The following CYP19A1 variants were observed in gnomAD, a reference collection of about 807,000 sequenced individuals.
CYP19A1 encodes aromatase.
A neutral mutation model predicts 44.4 loss-of-function variants in CYP19A1; 32 were observed. The ratio of observed to expected loss-of-function variants is 0.72; its 90% confidence interval spans 0.54 to 0.97. The LOEUF (loss-of-function observed/expected upper bound fraction) is 0.97. CYP19A1 is among the 50% of genes least tolerant of loss of function. The pLI is 0.00. For missense variants in CYP19A1, 598 were observed against 637.8 expected (o/e 0.94, Z 0.67); for synonymous variants, 212 against 215.6 (o/e 0.98, Z 0.14).
At chr15:51,333,084 T>C (rs567875144) in intron 1 of CYP19A1, among the ~76,000 whole-genome samples, 61 of 152,324 alleles carry the variant, frequency 4.0e-4, no homozygotes, top group African/African-American at 1.5e-3. Flanking sequence ...TTCCAGAAAG[T>C]CTTTTTGTGC....
At chr15:51,309,395 A>T (rs2141010583) in intron 1 of CYP19A1, among the ~76,000 whole-genome samples, 1 of 152,364 alleles carries the variant, frequency 6.6e-6, no homozygotes, top group Middle Eastern at 3.4e-3. Flanking sequence ...AGACAAAGAT[A>T]TGGTTAATCT....
At chr15:51,297,816 T>TCA (rs1566917194) in intron 1 of CYP19A1, among the ~76,000 whole-genome samples, 38 of 51,608 alleles carry the variant, frequency 7.4e-4, no homozygotes, top group African/African-American at 4.1e-3. Context: ...ACTGTAGGCA[T>TCA]GACACACACA....
At chr15:51,309,979 C>A (rs2036282771) in intron 1 of CYP19A1, among the ~76,000 whole-genome samples, 1 of 152,136 alleles carries the variant, frequency 6.6e-6, no homozygotes, top group Non-Finnish European at 1.5e-5. Flanking sequence ...AAGTGTCTAC[C>A]CAAATAAGGT....
At chr15:51,313,490 G>A (rs2036357314) in intron 1 of CYP19A1, among the ~76,000 whole-genome samples, 1 of 152,120 alleles carries the variant, frequency 6.6e-6, no homozygotes, top group Non-Finnish European at 1.5e-5. Flanking sequence ...TTGGACCTCG[G>A]TTTTCCCATC....
At chr15:51,301,201 A>G (rs550182978) in intron 1 of CYP19A1, among the ~76,000 whole-genome samples, 14 of 152,362 alleles carry the variant, frequency 9.2e-5, no homozygotes, top group Non-Finnish European at 2.1e-4. Context: ...AGCTATATGA[A>G]GAAATCCCCA....
At chr15:51,253,924 G>A (rs1331775737) in intron 1 of CYP19A1, among the ~76,000 whole-genome samples, 1 of 152,184 alleles carries the variant, frequency 6.6e-6, no homozygotes, top group Non-Finnish European at 1.5e-5. Flanking sequence ...TTGATGGCAA[G>A]TAGAGGAGAG....
intron 1 of CYP19A1, among the ~76,000 whole-genome samples, chr15:51,266,743 G>T (rs533555204): frequency 6.6e-6 from 1 of 152,170 alleles, no homozygotes; most frequent in Non-Finnish European, 1.5e-5. Context: ...GACAAATCAC[G>T]GAGGTCCCCT....
At position 51,227,672 on chromosome 15, in the gene CYP19A1, C is replaced by CAATAAATAAATAAATAAATA. The variant is rs57921193; in HGVS notation, c.451+87_451+106dup. The CAATAAATAAATAAATAAATA allele has an allele frequency of 0.023, 5,788 of 256,194 alleles. 118 individuals are homozygous for CAATAAATAAATAAATAAATA. The highest frequency in any genetic ancestry group is 0.045 in the East Asian group (494 of 10,860). The allele number at this position is 256,194 out of a possible 1,614,324, so 15.9% of individuals were successfully genotyped here. ...TGGGTGATAGAGTCAGAGCCTGTCT[C>CAATAAATAAATAAATAAATA]AATAAATAAATAAATAAATAAATAA... On this transcript the variant is annotated intron_variant, in intron 4 of 9. Coordinates refer to ENST00000396402, the MANE Select transcript of CYP19A1 (RefSeq NM_000103.4).
At chr15:51,295,136 G>GT (rs71426072) in intron 1 of CYP19A1, among the ~76,000 whole-genome samples, 5,324 of 131,340 alleles carry the variant, frequency 0.041, 116 homozygotes, top group Middle Eastern at 0.06. Context: ...TTAACAACGT[G>GT]TTTTTTTTTT....
intron 5 of CYP19A1, among the ~76,000 whole-genome samples, chr15:51,219,070 C>T (rs1375439128): frequency 6.6e-6 from 1 of 152,190 alleles, no homozygotes; most frequent in Non-Finnish European, 1.5e-5. Flanking sequence ...TGGCTAACAA[C>T]CACATTTTAA....
chr15:51,308,278 C>G (rs924891239), intron 1 of CYP19A1, among the ~76,000 whole-genome samples: 2 of 152,172 alleles, frequency 1.3e-5, no homozygotes, highest in Non-Finnish European at 2.9e-5. Context: ...AGGAATGACT[C>G]TTCTCCCTTG....
intron 1 of CYP19A1, among the ~76,000 whole-genome samples, chr15:51,252,806 G>A (rs1208188475): frequency 6.6e-6 from 1 of 152,230 alleles, no homozygotes; most frequent in African/African-American, 2.4e-5. Flanking sequence ...GCTCTAGGCT[G>A]TAGGAATATG....
At chr15:51,302,129 C>G (rs1377917092) in intron 1 of CYP19A1, among the ~76,000 whole-genome samples, 1 of 152,178 alleles carries the variant, frequency 6.6e-6, no homozygotes, top group Non-Finnish European at 1.5e-5. Context: ...AAGTCACATT[C>G]AGTCTTTTTT....
chr15:51,317,737 T>C (rs1443777683), intron 1 of CYP19A1, among the ~76,000 whole-genome samples: 1 of 152,212 alleles, frequency 6.6e-6, no homozygotes, highest in Non-Finnish European at 1.5e-5. Flanking sequence ...CTAATGAGGC[T>C]GGAGTTCATC....
intron 1 of CYP19A1, among the ~76,000 whole-genome samples, chr15:51,266,007 A>G (rs562047799): frequency 6.6e-6 from 1 of 152,196 alleles, no homozygotes; most frequent in African/African-American, 2.4e-5. Context: ...GCTTCCGCCA[A>G]CCTTGAGGGA....
intron 2 of CYP19A1, among the ~76,000 whole-genome samples, chr15:51,239,244 G>A (rs1042811525): frequency 3.3e-5 from 5 of 152,106 alleles, no homozygotes; most frequent in African/African-American, 1.2e-4. Flanking sequence ...AGCCTCCTTG[G>A]AGCCAACAGC....
Position 51,283,920 on chromosome 15 carries a change from G to C in CYP19A1, c.-38-40970C>G, listed in dbSNP as rs114815644. Among the ~76,000 whole-genome samples the C allele has an allele frequency of 1.3e-5, 2 of 152,160 alleles. 1 individual carries two copies. Among genetic ancestry groups the C allele is most frequent in the South Asian group, 4.1e-4 (2 of 4,834 alleles). On this transcript the variant is annotated intron_variant, in intron 1 of 9. Transcript: ENST00000396402. Reference sequence around the variant, plus strand: ...TTTGCAGCACAATTACCATCTCCCTGTTTCCTGGGGAGCTGCCAAAAAAGG... The same window carrying C: ...TTTGCAGCACAATTACCATCTCCCTCTTTCCTGGGGAGCTGCCAAAAAAGG...
chr15:51,273,870 G>A (rs950348275), intron 1 of CYP19A1, among the ~76,000 whole-genome samples: 10 of 152,238 alleles, frequency 6.6e-5, no homozygotes, highest in African/African-American at 2.4e-4. Flanking sequence ...AGCCGGGCAT[G>A]GTGGCAGGCG....
chr15:51,267,055 C>T (rs1566903306), intron 1 of CYP19A1, among the ~76,000 whole-genome samples: 1 of 152,232 alleles, frequency 6.6e-6, no homozygotes. Flanking sequence ...CCTGCTTCTA[C>T]CCAGACACAT....
Sources: allele counts gnomAD v4.1 joint callset (sites outside exome capture counted in the v4.1 genomes callset), GRCh38; gene constraint gnomAD v4.1.1; transcripts MANE v1.5; gene names NCBI Gene and HGNC (gene_info 2026-07-23, HGNC 2026-07-21).